The following SLC35D4 variants were observed in gnomAD, a reference collection of about 807,000 sequenced individuals.
SLC35D4 encodes the protein solute carrier family 35 member D4, also known as UDP-N-acetylglucosamine transporter SLC35D4.
chr18:23,373,569 A>T, the SLC35D4 span: 1 of 867,932 alleles, frequency 1.2e-6, no homozygotes, highest in Non-Finnish European at 1.8e-6. Flanking sequence ...GCCCAGAGCT[A>T]CCCAGCCTGC....
chr18:23,257,148 G>A, the SLC35D4 span: 1 of 1,515,988 alleles, frequency 6.6e-7, no homozygotes, highest in Admixed American at 1.8e-5. Flanking sequence ...CTGGCTGGTG[G>A]ATAGAGAAGC....
At chr18:23,396,938 G>T in the SLC35D4 span, among the ~76,000 whole-genome samples, 1 of 151,702 alleles carries the variant, frequency 6.6e-6, no homozygotes, top group East Asian at 1.9e-4. Flanking sequence ...AGGTAACAAA[G>T]AATTCAAAGA....
the SLC35D4 span, among the ~76,000 whole-genome samples, chr18:23,308,845 G>GTT: frequency 6.1e-5 from 8 of 132,070 alleles, no homozygotes; most frequent in East Asian, 2.1e-4. Flanking sequence ...CACAGCACGT[G>GTT]TTTTCTCTCT....
At chr18:23,342,037 C>T in the SLC35D4 span, among the ~76,000 whole-genome samples, 1 of 152,072 alleles carries the variant, frequency 6.6e-6, no homozygotes, top group Non-Finnish European at 1.5e-5. Flanking sequence ...GATTTAAGCA[C>T]TATGCTTTGA....
At chr18:23,309,687 T>C in the SLC35D4 span, 1 of 1,614,078 alleles carries the variant, frequency 6.2e-7, no homozygotes, top group South Asian at 1.1e-5. Flanking sequence ...TACCATCCCG[T>C]GGTTGCACTG....
At chr18:23,391,614 A>C in the SLC35D4 span, among the ~76,000 whole-genome samples, 14 of 152,274 alleles carry the variant, frequency 9.2e-5, no homozygotes, top group South Asian at 2.7e-3. Flanking sequence ...CAGCCTCCTG[A>C]GTAGCTAGGA....
At chr18:23,394,103 C>A in the SLC35D4 span, among the ~76,000 whole-genome samples, 2 of 152,140 alleles carry the variant, frequency 1.3e-5, no homozygotes, top group African/African-American at 4.8e-5. Context: ...ATATAATAAT[C>A]CTACTTTTGA....
chr18:23,397,188 T>G, the SLC35D4 span, among the ~76,000 whole-genome samples: 1 of 152,184 alleles, frequency 6.6e-6, no homozygotes, highest in Non-Finnish European at 1.5e-5. Flanking sequence ...CCTACATGAA[T>G]AGGCCTCCAA....
At chr18:23,366,742 A>G in the SLC35D4 span, among the ~76,000 whole-genome samples, 6 of 152,216 alleles carry the variant, frequency 3.9e-5, no homozygotes, top group Admixed American at 6.5e-5. Flanking sequence ...TGTGTTTCTC[A>G]TGTTCTTCCT....
chr18:23,404,998 A>C, the SLC35D4 span, among the ~76,000 whole-genome samples: 9 of 140,966 alleles, frequency 6.4e-5, no homozygotes, highest in African/African-American at 2.3e-4. Flanking sequence ...GTCTCAAAAA[A>C]AAAAAAAAAA....
chr18:23,329,770 A>G, the SLC35D4 span, among the ~76,000 whole-genome samples: 2 of 152,224 alleles, frequency 1.3e-5, no homozygotes, highest in Non-Finnish European at 2.9e-5. Context: ...TGTTTATTGC[A>G]GCACTATTCA....
At chr18:23,365,779 T>C in the SLC35D4 span, 1 of 1,182,226 alleles carries the variant, frequency 8.5e-7, no homozygotes, top group Non-Finnish European at 1.2e-6. Flanking sequence ...GCAAATTATC[T>C]GCACTGACTC....
the SLC35D4 span, among the ~76,000 whole-genome samples, chr18:23,292,176 T>C: frequency 6.6e-6 from 1 of 152,206 alleles, no homozygotes; most frequent in South Asian, 2.1e-4. Context: ...TTTTTGGGCA[T>C]GCAGACCCAG....
the SLC35D4 span, among the ~76,000 whole-genome samples, chr18:23,381,635 A>G: frequency 1.3e-5 from 2 of 152,270 alleles, no homozygotes; most frequent in Admixed American, 6.5e-5. Context: ...TTGCCCTGAC[A>G]AGAAATGATG....
the SLC35D4 span, among the ~76,000 whole-genome samples, chr18:23,307,535 T>C: frequency 1.3e-5 from 2 of 152,270 alleles, no homozygotes; most frequent in Admixed American, 1.3e-4. Context: ...CATGTGGTCA[T>C]AGCCAACTGG....
chr18:23,365,227 T>C, the SLC35D4 span, among the ~76,000 whole-genome samples: 11 of 152,202 alleles, frequency 7.2e-5, no homozygotes, highest in Non-Finnish European at 8.8e-5. Context: ...CAATAACTTC[T>C]GCTCCTGAAG....
At chr18:23,289,453 A>C in the SLC35D4 span, among the ~76,000 whole-genome samples, 1 of 152,088 alleles carries the variant, frequency 6.6e-6, no homozygotes, top group Non-Finnish European at 1.5e-5. Flanking sequence ...ACAATCCCAC[A>C]ATATCACCCC....
the SLC35D4 span, chr18:23,257,480 C>CT: frequency 8.2e-7 from 1 of 1,219,508 alleles, no homozygotes. Context: ...TTTTCTTCCT[C>CT]TCGACATAGT....
the SLC35D4 span, among the ~76,000 whole-genome samples, chr18:23,303,140 G>T: frequency 6.6e-6 from 1 of 152,194 alleles, no homozygotes; most frequent in Non-Finnish European, 1.5e-5. Flanking sequence ...ACCCAGCCAC[G>T]CTTGAACACG....
Sources: gnomAD v4.1 joint callset for allele counts (sites outside exome capture counted in the v4.1 genomes callset) on GRCh38, gnomAD v4.1.1 for gene constraint, MANE v1.5 for transcripts, NCBI Gene and HGNC (gene_info 2026-07-23, HGNC 2026-07-21) for gene names.